Variants in ADGRV1 observed in about 807,000 individuals in gnomAD.
ADGRV1 encodes G-protein coupled receptor 98.
In ADGRV1, 359 loss-of-function variants were observed where a neutral mutation model predicts 596.2. That is an observed-to-expected ratio of 0.60 (90% CI 0.55 to 0.66). The LOEUF (loss-of-function observed/expected upper bound fraction) is 0.66, where lower values mean the gene tolerates loss of function less well. Ranked by LOEUF, ADGRV1 falls within the 30% of genes least tolerant of loss-of-function variation. ADGRV1 has a pLI of 0.00. For synonymous variants in ADGRV1, 2,681 were observed against 2,679.2 expected (o/e 1.00, Z -0.02); for missense variants, 7,274 against 7,575.6 (o/e 0.96, Z 1.48).
intron 84 of ADGRV1, among the ~76,000 whole-genome samples, chr5:90,983,380 C>T (rs1780237109): frequency 6.6e-6 from 1 of 152,108 alleles, no homozygotes; most frequent in Non-Finnish European, 1.5e-5. Context: ...TTGAAAATGT[C>T]TCAATCTTTA....
chr5:90,692,494 C>G (rs1746609106), intron 31 of ADGRV1, 111 bp from the exon 32 acceptor site: 1 of 760,048 alleles, frequency 1.3e-6, no homozygotes, highest in Admixed American at 3.3e-5. Context: ...ATATTTCATT[C>G]CATTTTGTTC....
rs1469847535 is a variant in ADGRV1, at chr5:90,697,118, A to G, written c.8127A>G (p.Thr2709=). 2 of 1,613,356 alleles carry G rather than the reference A, an allele frequency of 1.2e-6. No individual in the cohort carries two copies. Among genetic ancestry groups the G allele is most frequent in the Non-Finnish European group, 1.7e-6 (2 of 1,179,378 alleles). ...DNVAGIVSFQ[T]ASRSVIGHEG... ...TGGCAGGAATTGTTAGCTTTCAGACAGCTTCCAGATCTGTCATAGGTCATG... is the reference window on the plus strand; with the variant it reads ...TGGCAGGAATTGTTAGCTTTCAGACGGCTTCCAGATCTGTCATAGGTCATG... The change falls in exon 34 of 90, where the codon ACA becomes ACG. Residue 2709 remains threonine (T), a synonymous_variant. Transcript: ENST00000405460.
intron 5 of ADGRV1, among the ~76,000 whole-genome samples, chr5:90,623,398 CT>C (rs1336910583): frequency 1.3e-5 from 2 of 151,860 alleles, no homozygotes; most frequent in African/African-American, 4.8e-5. Context: ...AATATGTTGT[CT>C]TTCTCTATTT....
chr5:90,654,969 A>C (rs984339451), intron 20 of ADGRV1: 1 of 152,158 alleles, frequency 6.6e-6, no homozygotes, highest in Non-Finnish European at 1.5e-5. Context: ...GACTTACTGC[A>C]GAGGAACTTG....
rs1385890923 is a variant in ADGRV1 at position 90,778,870 on chromosome 5, C to T, written c.12855C>T (p.Asn4285=). The T allele has an allele frequency of 8.7e-6, 14 of 1,609,910 alleles. No individual in the cohort carries two copies. Among genetic ancestry groups the T allele is most frequent in the Non-Finnish European group, 1.2e-5 (14 of 1,176,856 alleles). ...AGAAAATGCATTTTGCATAGGTTAA[C>T]ATCACAATCATCCGTTCCAGTGGAG... ...QLRVSEAQRV[N]ITIIRSSGDF... is the part of the protein sequence containing the mutation. The change falls in exon 64 of 90, where the codon AAC becomes AAT. Residue 4285 remains asparagine, a synonymous_variant. Coordinates refer to ENST00000405460, the MANE Select transcript of ADGRV1 (RefSeq NM_032119.4).
At chr5:90,928,327 G>A (rs79241504) in intron 83 of ADGRV1, among the ~76,000 whole-genome samples, 52,394 of 150,990 alleles carry the variant, frequency 0.35, 9,438 homozygotes, top group East Asian at 0.59. Context: ...GGCTTTGCTC[G>A]TTTCTTTTTA....
chr5:90,654,105 G>T, intron 20 of ADGRV1, 153 bp downstream of exon 20: 1 of 806,980 alleles, frequency 1.2e-6, no homozygotes, highest in Non-Finnish European at 2.0e-6. Context: ...TGCCTACCAA[G>T]ATAATGAGAA....
At chr5:90,851,132 T>TGAGAGAGAGAGA (rs1250365258) in intron 79 of ADGRV1, among the ~76,000 whole-genome samples, 1 of 71,898 alleles carries the variant, frequency 1.4e-5, no homozygotes, top group Non-Finnish European at 3.3e-5. Flanking sequence ...TGTGTGTGTG[T>TGAGAGAGAGAGA]GTGAGAGAGA....
At chr5:90,881,244 A>G (rs997406968) in intron 83 of ADGRV1, among the ~76,000 whole-genome samples, 4 of 152,192 alleles carry the variant, frequency 2.6e-5, no homozygotes, top group Non-Finnish European at 5.9e-5. Context: ...AAATTGAATG[A>G]TGCGTTCCAG....
chr5:90,730,835 T>C (rs1484553904), intron 50 of ADGRV1, among the ~76,000 whole-genome samples: 1 of 152,170 alleles, frequency 6.6e-6, no homozygotes, highest in East Asian at 1.9e-4. Context: ...CTAGAGAATT[T>C]GTGAGCCAAG....
At chr5:90,989,591 C>A (rs865863166) in intron 85 of ADGRV1, among the ~76,000 whole-genome samples, 5 of 152,186 alleles carry the variant, frequency 3.3e-5, no homozygotes, top group Middle Eastern at 3.4e-3. Flanking sequence ...ATAATTTCTT[C>A]ATTTTATAAT....
At chr5:91,140,155 T>G (rs1382917136) in intron 87 of ADGRV1, among the ~76,000 whole-genome samples, 1 of 152,230 alleles carries the variant, frequency 6.6e-6, no homozygotes, top group African/African-American at 2.4e-5. Context: ...TCATCTTCAG[T>G]GGGGTACTTA....
intron 21 of ADGRV1, among the ~76,000 whole-genome samples, chr5:90,667,092 G>A (rs2149514793): frequency 2.0e-5 from 3 of 151,690 alleles, no homozygotes; most frequent in African/African-American, 7.3e-5. Context: ...ATGTGTCTTG[G>A]AGTTGCTCTT....
chr5:90,878,954 C>T (rs777581806), intron 83 of ADGRV1, among the ~76,000 whole-genome samples: 56 of 152,312 alleles, frequency 3.7e-4, no homozygotes, highest in Non-Finnish European at 7.4e-4. Context: ...GAAACGATTG[C>T]CCAGCTACAT....
At chr5:90,572,040 T>C (rs1451213165) in intron 1 of ADGRV1, among the ~76,000 whole-genome samples, 1 of 152,176 alleles carries the variant, frequency 6.6e-6, no homozygotes, top group African/African-American at 2.4e-5. Flanking sequence ...TGCACTGGTT[T>C]GGATTTTCAG....
At chr5:91,108,398 A>G (rs1206383486) in intron 87 of ADGRV1, among the ~76,000 whole-genome samples, 1 of 152,110 alleles carries the variant, frequency 6.6e-6, no homozygotes. Flanking sequence ...TGCTTACTAC[A>G]TTTTGCTCAG....
chr5:91,111,863 C>T (rs1473551549), intron 87 of ADGRV1, among the ~76,000 whole-genome samples: 1 of 152,116 alleles, frequency 6.6e-6, no homozygotes, highest in Non-Finnish European at 1.5e-5. Flanking sequence ...TTCAGAGAGA[C>T]TAATGAATGC....
chr5:90,725,682 G>GT (rs539252894), intron 48 of ADGRV1, 26 bp downstream of exon 48: 208 of 944,868 alleles, frequency 2.2e-4, no homozygotes, highest in Middle Eastern at 2.9e-4. Flanking sequence ...AATGAAGTGG[G>GT]TTTTTTTTTG....
At chr5:90,708,437 C>CT (rs34939014) in intron 38 of ADGRV1, among the ~76,000 whole-genome samples, 79 of 144,162 alleles carry the variant, frequency 5.5e-4, no homozygotes, top group Admixed American at 1.3e-3. Flanking sequence ...ACTGCAGAGC[C>CT]TTTTTTTTTT....
Sources: allele counts gnomAD v4.1 joint callset (sites outside exome capture counted in the v4.1 genomes callset), GRCh38; gene constraint gnomAD v4.1.1; transcripts MANE v1.5; gene names NCBI Gene and HGNC (gene_info 2026-07-23, HGNC 2026-07-21).